The following WWOX variants were observed in gnomAD, a reference collection of about 807,000 sequenced individuals.
The protein encoded by WWOX is WW domain containing oxidoreductase, also known as WW domain-containing oxidoreductase.
WWOX carries 69 observed loss-of-function variants against 46.2 expected under a neutral mutation model. The ratio of observed to expected loss-of-function variants is 1.49; its 90% CI spans 1.23 to 1.82. The LOEUF is 1.82. WWOX is among the 40% of genes most tolerant of loss of function. WWOX has a pLI of 0.00. For synonymous variants in WWOX, 359 were observed against 202.6 expected (o/e 1.77, Z -6.56); for missense variants, 919 against 542.6 (o/e 1.69, Z -6.89).
At chr16:78,207,322 T>C (rs989016709) in intron 5 of WWOX, among the ~76,000 whole-genome samples, 4 of 152,214 alleles carry the variant, frequency 2.6e-5, no homozygotes, top group Non-Finnish European at 5.9e-5. Flanking sequence ...TTATTACATA[T>C]CTGTATCATA....
intron 8 of WWOX, among the ~76,000 whole-genome samples, chr16:78,445,825 C>G (rs908116858): frequency 1.4e-4 from 20 of 145,988 alleles, no homozygotes; most frequent in Admixed American, 9.3e-4. Flanking sequence ...TTGCCATGAG[C>G]AGAGATCGTG....
At chr16:79,023,261 C>T (rs1429042048) in intron 8 of WWOX, among the ~76,000 whole-genome samples, 1 of 152,182 alleles carries the variant, frequency 6.6e-6, no homozygotes, top group Non-Finnish European at 1.5e-5. Flanking sequence ...AATTACTGTT[C>T]TCCCTTTGCA....
chr16:78,256,639 A>T (rs7186914), intron 5 of WWOX, among the ~76,000 whole-genome samples: 4,779 of 151,966 alleles, frequency 0.031, 251 homozygotes, highest in East Asian at 0.23. Context: ...GTGTCTGCCA[A>T]ATAAGGTGGT....
In WWOX at chr16:79,072,071, C is replaced by G. The variant is rs189161969; in HGVS notation, c.1057-139537C>G. Among the ~76,000 whole-genome samples the G allele has an allele frequency of 1.1e-4, 17 of 152,222 alleles. No individual in the cohort carries two copies. The South Asian group carries it at 2.1e-3, about 19-fold the overall frequency. On this transcript the variant is annotated intron_variant, in intron 8 of 8. Transcript: ENST00000566780. ...GCAGAGGCGGGAGGATTGCTTGAGT[C>G]TAGGAGTTTGAGACCAGCTTGGCCA...
At chr16:78,489,097 T>A (rs77818773) in intron 8 of WWOX, among the ~76,000 whole-genome samples, 86 of 152,246 alleles carry the variant, frequency 5.6e-4, no homozygotes, top group African/African-American at 1.9e-3. Flanking sequence ...GATGAGATTT[T>A]ATGCTTGTTA....
chr16:79,079,190 A>T (rs2048714906), intron 8 of WWOX, among the ~76,000 whole-genome samples: 1 of 152,176 alleles, frequency 6.6e-6, no homozygotes, highest in African/African-American at 2.4e-5. Flanking sequence ...TTCTGTCACC[A>T]CCACCTTTAT....
chr16:78,686,646 G>A (rs112842129), intron 8 of WWOX, among the ~76,000 whole-genome samples: 8 of 152,152 alleles, frequency 5.3e-5, no homozygotes, highest in South Asian at 4.1e-4. Flanking sequence ...TTGTTTTTTC[G>A]GAAGTCCTCC....
chr16:79,085,610 T>G lies in WWOX; in HGVS notation c.1057-125998T>G, dbSNP rs140395948. Among the ~76,000 whole-genome samples, 11 of 152,348 alleles carry G rather than the reference T, an allele frequency of 7.2e-5. No homozygotes were observed. The East Asian group carries it at 2.1e-3, about 29-fold the overall frequency. Reference sequence around the variant, plus strand: ...GACTGACAGGTAAAAGTGGTCCACATAGAAAAACCTGTTTCTCTATTTTGT... The same window carrying G: ...GACTGACAGGTAAAAGTGGTCCACAGAGAAAAACCTGTTTCTCTATTTTGT... On this transcript the variant is annotated intron_variant, in intron 8 of 8. Transcript: ENST00000566780.
chr16:78,159,440 A>G (rs2034711392), intron 4 of WWOX, among the ~76,000 whole-genome samples: 1 of 152,078 alleles, frequency 6.6e-6, no homozygotes, highest in South Asian at 2.1e-4. Flanking sequence ...AAGGAATGTA[A>G]GTTTCTCACG....
intron 8 of WWOX, among the ~76,000 whole-genome samples, chr16:78,874,684 C>CTTTTTTTTTTTTTTTTTTTT (rs552696627): frequency 1.2e-5 from 1 of 83,494 alleles, no homozygotes; most frequent in Non-Finnish European, 2.2e-5. Context: ...AGATTTTTTT[C>CTTTTTTTTTTTTTTTTTTTT]TTTTTTTTTT....
chr16:78,769,553 A>G (rs928405305), intron 8 of WWOX, among the ~76,000 whole-genome samples: 5 of 44,146 alleles, frequency 1.1e-4, no homozygotes, highest in African/African-American at 2.7e-4. Context: ...TTATTTATTT[A>G]TTTATTTATT....
At chr16:79,089,667 T>G (rs1401075042) in intron 8 of WWOX, among the ~76,000 whole-genome samples, 1 of 152,184 alleles carries the variant, frequency 6.6e-6, no homozygotes, top group Admixed American at 6.5e-5. Context: ...CAGGAATGAC[T>G]TCTTCGAATT....
At position 78,243,153 on chromosome 16, in the gene WWOX, T is replaced by G. The variant is rs78757940; in HGVS notation, c.516+78864T>G. Reference sequence around the variant, plus strand: ...GTTTGGAAGCCCTTATTCCTTTGTTTTGTTTTTGAAATACAAATATCAACA... The same window carrying G: ...GTTTGGAAGCCCTTATTCCTTTGTTGTGTTTTTGAAATACAAATATCAACA... On this transcript the variant is annotated intron_variant, in intron 5 of 8. Transcript: ENST00000566780. Among the ~76,000 whole-genome samples, 488 of 152,328 alleles carry G rather than the reference T, an allele frequency of 3.2e-3. 11 individuals carry two copies. The East Asian group carries it at 0.049, about 15-fold the overall frequency.
At chr16:78,875,224 G>T (rs1227744715) in intron 8 of WWOX, among the ~76,000 whole-genome samples, 1 of 152,124 alleles carries the variant, frequency 6.6e-6, no homozygotes, top group Non-Finnish European at 1.5e-5. Flanking sequence ...TCAAATTTCA[G>T]TGTTGGATGT....
At chr16:79,096,307 C>T (rs1198234564) in intron 8 of WWOX, among the ~76,000 whole-genome samples, 2 of 152,074 alleles carry the variant, frequency 1.3e-5, no homozygotes, top group African/African-American at 4.8e-5. Flanking sequence ...TGAAGGCGTC[C>T]CCTGTTACTC....
intron 8 of WWOX, among the ~76,000 whole-genome samples, chr16:78,905,195 G>C (rs1567639227): frequency 6.6e-6 from 1 of 152,122 alleles, no homozygotes; most frequent in Non-Finnish European, 1.5e-5. Context: ...CTGAGCATGA[G>C]GTTGATGGCC....
chr16:78,337,542 G>T (rs996701148), intron 5 of WWOX, among the ~76,000 whole-genome samples: 18 of 152,096 alleles, frequency 1.2e-4, no homozygotes, highest in African/African-American at 4.3e-4. Context: ...CATTCTATAG[G>T]TTTGTTCAAT....
chr16:78,342,248 C>A lies in WWOX; in HGVS notation c.517-44612C>A, dbSNP rs79261936. Among the ~76,000 whole-genome samples the A allele has an allele frequency of 1.1e-3, 129 of 121,456 alleles. 3 individuals carry two copies. In the East Asian group the frequency reaches 0.024, roughly 22 times the overall value. The allele number at this position is 121,456 out of a possible 152,430, so 79.7% of individuals were successfully genotyped here. On this transcript the variant is annotated intron_variant, in intron 5 of 8. Transcript: ENST00000566780. ...CATAAGTGTCAGCTGCTACGACAAACAACTTGCAACGTCTCATTATCTTCA... is the reference window on the plus strand; with the variant it reads ...CATAAGTGTCAGCTGCTACGACAAAAAACTTGCAACGTCTCATTATCTTCA...
rs551085136 is a variant in WWOX, at chr16:78,103,155, T to C, written c.107+3270T>C. Among the ~76,000 whole-genome samples, 9 of 152,068 alleles carry C rather than the reference T, an allele frequency of 5.9e-5. No homozygotes were observed. The East Asian group carries it at 1.6e-3, about 26-fold the overall frequency. ...CCTGAGTGGCCCCTGGCCAGGGGAC[T>C]CGGGTGCATACATGGTTTCCAAACG... On this transcript the variant is annotated intron_variant, in intron 1 of 8. Coordinates refer to ENST00000566780, the MANE Select transcript of WWOX (RefSeq NM_016373.4).
Sources: allele counts gnomAD v4.1 joint callset (sites outside exome capture counted in the v4.1 genomes callset), GRCh38; gene constraint gnomAD v4.1.1; transcripts MANE v1.5; gene names NCBI Gene and HGNC (gene_info 2026-07-23, HGNC 2026-07-21).